Variants in MSH6 observed in about 807,000 individuals in gnomAD.
MSH6 encodes the protein DNA mismatch repair protein Msh6.
MSH6 carries 85 observed loss-of-function variants against 119.1 expected under a neutral mutation model. The observed-to-expected ratio is 0.71, with a 90% confidence interval of 0.60 to 0.85. The LOEUF is 0.85. Ranked by LOEUF, MSH6 falls within the 40% of genes least tolerant of loss-of-function variation. MSH6 has a pLI of 0.00. For missense variants in MSH6, 2,163 were observed against 1,655.3 expected (o/e 1.31, Z -5.32); for synonymous variants, 830 against 586.9 (o/e 1.41, Z -5.99).
chr2:47,807,061 T>G, downstream of MSH6: 1 of 576,522 alleles, frequency 1.7e-6, no homozygotes, highest in South Asian at 2.1e-5. Context: ...GATGTTATGG[T>G]ACATGCATAC....
intron 1 of MSH6, chr2:47,785,050 C>G (rs576241148): frequency 2.6e-5 from 4 of 151,906 alleles, no homozygotes; most frequent in East Asian, 3.9e-4. Context: ...TATCGAACTC[C>G]TGACCTCTTG....
rs777593472 is a variant in MSH6, at chr2:47,800,492, C to T, written c.2509C>T (p.His837Tyr). The change falls in exon 4 of 10, where the codon CAC becomes TAC. Residue 837 changes from histidine to tyrosine, a missense_variant. His to Tyr is a moderately conservative substitution (Grantham distance 83, BLOSUM62 2). Coordinates refer to ENST00000234420, the MANE Select transcript of MSH6 (RefSeq NM_000179.3). ...NVGSPLKSQN[H>Y]PDSRAIMYEE... is the part of the protein sequence containing the mutation. ...TGGGTCTCCCCTGAAGAGTCAGAAC[C>T]ACCCAGACAGCAGGGCTATAATGTA... The T allele has an allele frequency of 1.2e-6, 2 of 1,612,842 alleles. No homozygotes were observed. The highest frequency in any genetic ancestry group is 1.7e-6 in the Non-Finnish European group (2 of 1,179,746).
In MSH6 at chr2:47,796,083, C is replaced by T. The variant is rs376929025; in HGVS notation, c.627+20C>T. On this transcript the variant is annotated intron_variant, in intron 3 of 9. Transcript: ENST00000234420. ...ATGGAGGTGGGACACGGCAAGCATTCAGTTGTTATTTATGTTAGGGTGATG... is the reference window on the plus strand; with the variant it reads ...ATGGAGGTGGGACACGGCAAGCATTTAGTTGTTATTTATGTTAGGGTGATG... 8 of 1,613,220 alleles carry T rather than the reference C, an allele frequency of 5.0e-6. No homozygotes were observed. The African/African-American group carries it at 5.4e-5, about 11-fold the overall frequency.
chr2:47,809,538 G>A, downstream of MSH6: 1 of 1,213,126 alleles, frequency 8.2e-7, no homozygotes, highest in Non-Finnish European at 1.2e-6. Flanking sequence ...TTATAAAACG[G>A]CTTCTGATTA....
At position 47,800,705 on chromosome 2, in the gene MSH6, G is replaced by A. The variant is rs886056144; in HGVS notation, c.2722G>A (p.Glu908Lys). Residue 908 changes from glutamate (E) to lysine (K), a missense_variant, in exon 4 of 10, where the codon GAA (glutamate) becomes AAA (lysine). Physicochemically the swap from Glu to Lys is moderately conservative, Grantham distance 56. Transcript: ENST00000234420. ...AGGTCGTTTTCCTGATTTGACTGTA[G>A]AATTGAACCGATGGGATACAGCCTT... ...PEGRFPDLTVELNRWDTAFDH... is the reference protein window; with the variant it reads ...PEGRFPDLTVKLNRWDTAFDH... 3 of 1,614,144 alleles carry A rather than the reference G, an allele frequency of 1.9e-6. No individual in the cohort carries two copies. Among genetic ancestry groups the A allele is most frequent in the Non-Finnish European group, 2.5e-6 (3 of 1,180,030 alleles).
Position 47,805,039 on chromosome 2 carries a change from G to C in MSH6, c.3556+12G>C, listed in dbSNP as rs1295637189. The C allele has an allele frequency of 4.5e-6, 7 of 1,562,340 alleles. No homozygotes were observed. The Admixed American group carries it at 1.0e-4, about 22-fold the overall frequency. On this transcript the variant is annotated intron_variant, in intron 6 of 9. Transcript: ENST00000234420. ...CAGAATAATGTCAGGTGAGTTTTTT[G>C]TTTCCCACTTAAGTTCTCATTCAGT...
At chr2:47,786,140 T>A (rs1668333351) in intron 1 of MSH6, among the ~76,000 whole-genome samples, 1 of 151,996 alleles carries the variant, frequency 6.6e-6, no homozygotes, top group South Asian at 2.1e-4. Context: ...GAAGGACAAA[T>A]AAGCTTAGAC....
intron 2 of MSH6, among the ~76,000 whole-genome samples, chr2:47,794,611 T>C (rs1364452455): frequency 6.6e-6 from 1 of 151,964 alleles, no homozygotes; most frequent in Admixed American, 6.6e-5. Flanking sequence ...TTTTGAGAAA[T>C]AAATTTTAAC....
Position 47,806,436 on chromosome 2 carries a change from AT to A in MSH6, c.3802-11del, listed in dbSNP as rs1159569330. On this transcript the variant is annotated splice_polypyrimidine_tract_variant and intron_variant, in intron 8 of 9. Coordinates refer to ENST00000234420, the MANE Select transcript of MSH6 (RefSeq NM_000179.3). ...TCTTGCTAGCACATGTATCGCTAATATTTTTCTTTCTTAAGGCATGCATGGT... is the reference window on the plus strand; with the variant it reads ...TCTTGCTAGCACATGTATCGCTAATATTTTCTTTCTTAAGGCATGCATGGT... The A allele has an allele frequency of 6.2e-7, 1 of 1,613,858 alleles. No individual in the cohort carries two copies. The highest frequency in any genetic ancestry group is 1.1e-5 in the South Asian group (1 of 91,084).
At chr2:47,789,217 C>T (rs1339978286) in intron 1 of MSH6, 1 of 279,378 alleles carries the variant, frequency 3.6e-6, no homozygotes, top group Non-Finnish European at 7.4e-6. Flanking sequence ...AGCCACCGCA[C>T]CCGGCCCATA....
Position 47,800,277 on chromosome 2 carries a change from G to C in MSH6, c.2294G>C (p.Cys765Ser), listed in dbSNP as rs1553413671. The C allele has an allele frequency of 6.2e-7, 1 of 1,614,110 alleles. No individual in the cohort carries two copies. Among genetic ancestry groups the C allele is most frequent in the Non-Finnish European group, 8.5e-7 (1 of 1,180,010 alleles). The change falls in exon 4 of 10, where the codon TGC becomes TCC. Residue 765 changes from cysteine to serine, a missense_variant. By Grantham distance (112) the Cys-to-Ser change is moderately radical. Coordinates refer to ENST00000234420, the MANE Select transcript of MSH6 (RefSeq NM_000179.3). Reference protein sequence around the residue: ...EGTLLERVDTCHTPFGKRLLK... With the variant: ...EGTLLERVDTSHTPFGKRLLK... ...ACCCTACTAGAGAGGGTTGATACTT[G>C]CCATACTCCTTTTGGTAAGCGGCTC...
In MSH6 at chr2:47,799,439, A is replaced by ACT; in HGVS notation, c.1457_1458dup (p.Glu487LeufsTer6). 6.2e-7 allele frequency: 1 copy of ACT among 1,614,176 alleles called. No individual in the cohort carries two copies. The highest frequency in any genetic ancestry group is 8.5e-7 in the Non-Finnish European group (1 of 1,180,040). On this transcript the variant is annotated frameshift_variant, in exon 4 of 10. Transcript: ENST00000234420. LOFTEE classifies it high-confidence loss of function. ...CTATAAAGTAGCACGAGTGGAACAG[A>ACT]CTGAGACTCCAGAAATGATGGAGGC...
downstream of MSH6, chr2:47,809,435 T>TA (rs1670460111): frequency 1.4e-6 from 1 of 690,932 alleles, no homozygotes; most frequent in Non-Finnish European, 2.4e-6. Flanking sequence ...TTTCCTTGTA[T>TA]AAGATACTCC....
intron 1 of MSH6, among the ~76,000 whole-genome samples, chr2:47,787,836 C>G (rs1572703999): frequency 6.6e-6 from 1 of 152,206 alleles, no homozygotes; most frequent in Middle Eastern, 3.4e-3. Context: ...CCCAGATGGT[C>G]TCGAATTCCT....
intron 4 of MSH6, 39 bp downstream of exon 4, chr2:47,801,194 G>A (rs771142450): frequency 2.5e-6 from 4 of 1,600,852 alleles, no homozygotes; most frequent in Non-Finnish European, 3.4e-6. Context: ...GCTTTGATAA[G>A]TAGTGCTGTT....
intron 3 of MSH6, chr2:47,797,865 T>G: frequency 4.2e-6 from 1 of 236,172 alleles, no homozygotes; most frequent in South Asian, 6.2e-5. Context: ...TCAAAATGCT[T>G]GCATCTCTTA....
rs756538112 is a variant in MSH6, at chr2:47,805,740, CT to C, written c.3646+34del. On this transcript the variant is annotated intron_variant, in intron 7 of 9. Coordinates refer to ENST00000234420, the MANE Select transcript of MSH6 (RefSeq NM_000179.3). ...ATTAAACTTCTCATTTGAAGACTAT[CT>C]ATCTTAAAAACATTTGTACAAATAA... is the stretch of plus-strand genomic sequence containing the variant. 32 of 1,191,530 alleles carry C rather than the reference CT, an allele frequency of 2.7e-5. No homozygotes were observed. In the African/African-American group the frequency reaches 2.7e-4, roughly 10 times the overall value. 73.8% of individuals were successfully genotyped at this position (1,191,530 alleles called of 1,614,324 possible).
At chr2:47,802,073 T>C (rs1023564298) in intron 4 of MSH6, among the ~76,000 whole-genome samples, 2 of 152,268 alleles carry the variant, frequency 1.3e-5, no homozygotes, top group African/African-American at 4.8e-5. Flanking sequence ...TTACACTATC[T>C]GTTGATCCAA....
chr2:47,791,259 G>C, intron 2 of MSH6, 136 bp downstream of exon 2: 1 of 790,544 alleles, frequency 1.3e-6, no homozygotes, highest in East Asian at 2.7e-5. Context: ...AGGGGTGGCA[G>C]TTGTGAAAGC....
Sources: gnomAD v4.1 joint callset for allele counts (sites outside exome capture counted in the v4.1 genomes callset) on GRCh38, gnomAD v4.1.1 for gene constraint, MANE v1.5 for transcripts, NCBI Gene and HGNC (gene_info 2026-07-23, HGNC 2026-07-21) for gene names.